The following CHST3 variants were observed in gnomAD, a reference collection of about 807,000 sequenced individuals.
CHST3 encodes the protein carbohydrate sulfotransferase 3.
In CHST3, 20 loss-of-function variants were observed where a neutral mutation model predicts 35.4. The observed-to-expected ratio is 0.57, with a 90% CI of 0.40 to 0.82. CHST3 has a LOEUF of 0.82. CHST3 is among the 40% of genes least tolerant of loss of function. The pLI is 0.00. For synonymous variants in CHST3, 334 were observed against 295.9 expected (o/e 1.13, Z -1.32); for missense variants, 693 against 670.1 (o/e 1.03, Z -0.38).
intron 1 of CHST3, among the ~76,000 whole-genome samples, chr10:71,995,011 A>G (rs1839926859): frequency 6.6e-6 from 1 of 152,186 alleles, no homozygotes; most frequent in South Asian, 2.1e-4. Context: ...GCTTAAGGGA[A>G]TGTTGTGGTT....
rs570955337 is a variant in CHST3, at chr10:71,979,366, C to T, written c.-108+14672C>T. On this transcript the variant is annotated intron_variant, in intron 1 of 2. Transcript: ENST00000373115. ...GGGCTTTCTTTTTTGTTTTTTTAGA[C>T]GGAGTCTCGGGAGGGGGGTTAGATG... 2.1e-4 allele frequency among the ~76,000 whole-genome samples: 31 copies of T among 149,624 alleles called. No homozygotes were observed. In the South Asian group the frequency reaches 5.7e-3, roughly 28 times the overall value.
At chr10:71,966,073 G>A (rs1381035028) in intron 1 of CHST3, among the ~76,000 whole-genome samples, 1 of 152,110 alleles carries the variant, frequency 6.6e-6, no homozygotes, top group East Asian at 1.9e-4. Context: ...AGAGAGAGGG[G>A]TTGGTTCCAT....
chr10:72,005,403 A>C (rs1840028779), intron 1 of CHST3, among the ~76,000 whole-genome samples: 1 of 152,148 alleles, frequency 6.6e-6, no homozygotes, highest in Non-Finnish European at 1.5e-5. Flanking sequence ...CATTACCTGG[A>C]TGCTCCACCA....
At chr10:71,969,935 T>C (rs1252804054) in intron 1 of CHST3, among the ~76,000 whole-genome samples, 1 of 152,202 alleles carries the variant, frequency 6.6e-6, no homozygotes, top group Non-Finnish European at 1.5e-5. Context: ...GAGGAGACAC[T>C]TCTCCTTTTC....
At chr10:71,998,165 A>G (rs548425048) in intron 1 of CHST3, among the ~76,000 whole-genome samples, 1 of 152,344 alleles carries the variant, frequency 6.6e-6, no homozygotes, top group Admixed American at 6.5e-5. Context: ...ATCAAAGGGC[A>G]TAAGGTGAAA....
intron 1 of CHST3, among the ~76,000 whole-genome samples, chr10:71,987,238 T>C (rs1402753285): frequency 6.6e-6 from 1 of 150,996 alleles, no homozygotes; most frequent in African/African-American, 2.4e-5. Context: ...AGTGCAGAGA[T>C]GTTGGACAGA....
In CHST3 at chr10:72,008,297, G is replaced by A. The variant is rs372291815; in HGVS notation, c.1266G>A (p.Ser422=). 6.3e-7 allele frequency: 1 copy of A among 1,585,024 alleles called. No homozygotes were observed. Among genetic ancestry groups the A allele is most frequent in the Non-Finnish European group, 8.6e-7 (1 of 1,166,112 alleles). ...TCTACTCCACGCAGAAGAACTCCTC[G>A]GAGCAGTTCGAGAAGTGGCGCTTCA... The part of the protein sequence containing the change: ...SGIYSTQKNS[S]EQFEKWRFSM... Residue 422 remains serine (S), a synonymous_variant, in exon 3 of 3, where the codon TCG becomes TCA. Coordinates refer to ENST00000373115, the MANE Select transcript of CHST3 (RefSeq NM_004273.5).
chr10:71,990,257 A>G (rs1450778302), intron 1 of CHST3, among the ~76,000 whole-genome samples: 2 of 152,236 alleles, frequency 1.3e-5, no homozygotes, highest in Non-Finnish European at 2.9e-5. Flanking sequence ...TCAAGGAGCC[A>G]GCAGATTTGA....
intron 1 of CHST3, among the ~76,000 whole-genome samples, chr10:71,966,724 T>C (rs759118569): frequency 2.0e-5 from 3 of 152,232 alleles, no homozygotes; most frequent in Non-Finnish European, 4.4e-5. Flanking sequence ...TCGAGAGTTC[T>C]GTATACATTT....
chr10:71,971,232 TGGGGCACTGCTG>T (rs569504708), intron 1 of CHST3, among the ~76,000 whole-genome samples: 1 of 151,910 alleles, frequency 6.6e-6, no homozygotes, highest in Admixed American at 6.6e-5. Flanking sequence ...ATTTGGGGAG[TGGGGCACTGCTG>T]GAAGGTTCTG....
chr10:72,002,270 TGAG>T (rs1840001111), intron 1 of CHST3, among the ~76,000 whole-genome samples: 2 of 152,082 alleles, frequency 1.3e-5, no homozygotes, highest in Non-Finnish European at 2.9e-5. Context: ...GCTCTGGGGA[TGAG>T]GAGGCTGGAA....
chr10:71,978,596 T>C (rs1434112087), intron 1 of CHST3, among the ~76,000 whole-genome samples: 1 of 152,220 alleles, frequency 6.6e-6, no homozygotes, highest in Non-Finnish European at 1.5e-5. Flanking sequence ...CAAGGCATTG[T>C]TCTAGAAGCG....
intron 1 of CHST3, among the ~76,000 whole-genome samples, chr10:71,978,812 G>A (rs1839771936): frequency 6.6e-6 from 1 of 152,206 alleles, no homozygotes; most frequent in African/African-American, 2.4e-5. Flanking sequence ...TGAGCCTTTG[G>A]AAATGGCCTC....
chr10:71,970,660 C>T (rs1564523651), intron 1 of CHST3, among the ~76,000 whole-genome samples: 4 of 152,226 alleles, frequency 2.6e-5, no homozygotes, highest in Admixed American at 2.0e-4. Flanking sequence ...CCCTCTGAGT[C>T]AGTCCCAAGC....
At chr10:72,006,059 C>G (rs1316461251) in intron 2 of CHST3, 77 bp downstream of exon 2, 1 of 1,548,620 alleles carries the variant, frequency 6.5e-7, no homozygotes, top group Non-Finnish European at 8.9e-7. Flanking sequence ...CTGCAGGGCT[C>G]TCTGTGGACC....
intron 1 of CHST3, among the ~76,000 whole-genome samples, chr10:71,997,356 A>G (rs1839951083): frequency 6.6e-6 from 1 of 152,080 alleles, no homozygotes; most frequent in African/African-American, 2.4e-5. Context: ...GTCCTCTGGG[A>G]GCATCCGTGT....
intron 1 of CHST3, among the ~76,000 whole-genome samples, chr10:71,991,440 GAC>G (rs979980917): frequency 6.6e-6 from 1 of 152,178 alleles, no homozygotes; most frequent in Non-Finnish European, 1.5e-5. Flanking sequence ...GTTCACTCCA[GAC>G]ACACTCCAGT....
chr10:72,001,672 C>T (rs1240203133), intron 1 of CHST3, among the ~76,000 whole-genome samples: 1 of 152,148 alleles, frequency 6.6e-6, no homozygotes, highest in African/African-American at 2.4e-5. Context: ...CAGGGTTTCA[C>T]CATGTTGGCC....
chr10:71,981,061 T>C (rs1176301263), intron 1 of CHST3, among the ~76,000 whole-genome samples: 1 of 152,186 alleles, frequency 6.6e-6, no homozygotes, highest in Non-Finnish European at 1.5e-5. Context: ...AAAGGCGCTA[T>C]TTAGCATGTG....
Sources: gnomAD v4.1 joint callset for allele counts (sites outside exome capture counted in the v4.1 genomes callset) on GRCh38, gnomAD v4.1.1 for gene constraint, MANE v1.5 for transcripts, NCBI Gene and HGNC (gene_info 2026-07-23, HGNC 2026-07-21) for gene names.